CTNND2: variants seen among roughly 807,000 people sequenced by gnomAD.
The protein encoded by CTNND2 is catenin delta-2.
Under a neutral mutation model 144.4 loss-of-function variants are expected in CTNND2, and 22 were observed. The ratio of observed to expected loss-of-function variants is 0.15; its 90% confidence interval spans 0.11 to 0.22. The LOEUF (loss-of-function observed/expected upper bound fraction) is 0.22, where lower values mean the gene tolerates loss of function less well. CTNND2 is among the 10% of genes least tolerant of loss of function. CTNND2 has a pLI of 1.00. For synonymous variants in CTNND2, 751 were observed against 695.6 expected, an observed-to-expected ratio of 1.08 and a Z score of -1.25; for missense variants, 1,353 against 1,618.8, an observed-to-expected ratio of 0.84 and a Z score of 2.82.
At chr5:11,542,590 G>A (rs1774860607) in intron 3 of CTNND2, among the ~76,000 whole-genome samples, 1 of 152,130 alleles carries the variant, frequency 6.6e-6, no homozygotes, top group African/African-American at 2.4e-5. Context: ...GTGAAATGAT[G>A]TATGTATTCA....
chr5:11,670,150 G>C (rs761429437), intron 2 of CTNND2, among the ~76,000 whole-genome samples: 4 of 152,160 alleles, frequency 2.6e-5, no homozygotes, highest in Non-Finnish European at 5.9e-5. Flanking sequence ...TGCATTTGCT[G>C]AGGTGTGTTT....
At chr5:11,411,490 C>A in intron 5 of CTNND2, 46 bp downstream of exon 5, 1 of 900,936 alleles carries the variant, frequency 1.1e-6, no homozygotes, top group South Asian at 1.4e-5. Flanking sequence ...TGACATAATA[C>A]TCCTATATTT....
At chr5:11,690,616 G>A (rs1581726175) in intron 2 of CTNND2, among the ~76,000 whole-genome samples, 1 of 151,324 alleles carries the variant, frequency 6.6e-6, no homozygotes, top group Admixed American at 6.6e-5. Flanking sequence ...GGCGCCTGTA[G>A]TCCCAGCTAC....
intron 11 of CTNND2, among the ~76,000 whole-genome samples, chr5:11,193,260 T>C (rs1220872440): frequency 6.6e-6 from 1 of 152,200 alleles, no homozygotes; most frequent in Non-Finnish European, 1.5e-5. Flanking sequence ...AGGTATTGAT[T>C]CTTTGACTTT....
At chr5:11,544,889 C>T (rs998444941) in intron 3 of CTNND2, among the ~76,000 whole-genome samples, 2 of 151,354 alleles carry the variant, frequency 1.3e-5, no homozygotes, top group African/African-American at 2.4e-5. Flanking sequence ...GAGGCGGAGG[C>T]GGGCAGATCA....
At chr5:11,559,846 G>A (rs954254693) in intron 3 of CTNND2, among the ~76,000 whole-genome samples, 4 of 152,130 alleles carry the variant, frequency 2.6e-5, no homozygotes, top group African/African-American at 7.2e-5. Flanking sequence ...GCCTTCTGAC[G>A]CCCAGTGCCA....
rs547929588 is a variant in CTNND2, at chr5:11,291,894, T to C, written c.1628+54478A>G. Among the ~76,000 whole-genome samples the C allele has an allele frequency of 9.9e-5, 15 of 152,254 alleles. No homozygotes were observed. The South Asian group carries it at 3.1e-3, about 32-fold the overall frequency. On this transcript the variant is annotated intron_variant, in intron 9 of 21. Transcript: ENST00000304623. ...GCCACATTTCTCTTCAGATTTGCAT[T>C]TACCATAAATTTTTGCTTGCTATAC... is the stretch of plus-strand genomic sequence containing the variant.
rs945241515 is a variant in CTNND2, at chr5:11,184,186, G to T, written c.1975+15262C>A. 2.6e-5 allele frequency among the ~76,000 whole-genome samples: 4 copies of T among 152,238 alleles called. No individual in the cohort carries two copies. The South Asian group carries it at 8.3e-4, about 32-fold the overall frequency. On this transcript the variant is annotated intron_variant, in intron 11 of 21. Transcript: ENST00000304623. Reference sequence around the variant, plus strand: ...GAGGGGAATAATTTTTAAGAATAAAGGATGGGGGATGGTTCTTTCTAATCT... The same window carrying T: ...GAGGGGAATAATTTTTAAGAATAAATGATGGGGGATGGTTCTTTCTAATCT...
At chr5:11,217,936 G>A (rs1419783909) in intron 10 of CTNND2, among the ~76,000 whole-genome samples, 1 of 152,090 alleles carries the variant, frequency 6.6e-6, no homozygotes, top group Non-Finnish European at 1.5e-5. Flanking sequence ...ATTATCCACT[G>A]AAGACCTTGA....
At chr5:11,280,746 C>T (rs138117716) in intron 9 of CTNND2, among the ~76,000 whole-genome samples, 259 of 152,296 alleles carry the variant, frequency 1.7e-3, no homozygotes, top group African/African-American at 5.9e-3. Flanking sequence ...TTGGCAATCC[C>T]TGAGCACTTT....
At chr5:11,437,209 C>A (rs1310478477) in intron 3 of CTNND2, among the ~76,000 whole-genome samples, 1 of 152,152 alleles carries the variant, frequency 6.6e-6, no homozygotes, top group Non-Finnish European at 1.5e-5. Context: ...AGAAACCCTG[C>A]ATATTCATGA....
intron 2 of CTNND2, among the ~76,000 whole-genome samples, chr5:11,729,928 A>G (rs114370847): frequency 8.5e-5 from 13 of 152,228 alleles, no homozygotes; most frequent in African/African-American, 3.1e-4. Context: ...TATGTCCCCA[A>G]TGGGTGCATT....
At chr5:11,902,694 T>C (rs1447506138) in intron 1 of CTNND2, among the ~76,000 whole-genome samples, 1 of 152,082 alleles carries the variant, frequency 6.6e-6, no homozygotes, top group Non-Finnish European at 1.5e-5. Flanking sequence ...TAAATCAACA[T>C]ATTTGCTTGA....
intron 2 of CTNND2, among the ~76,000 whole-genome samples, chr5:11,703,371 T>G (rs547135280): frequency 6.6e-6 from 1 of 152,314 alleles, no homozygotes; most frequent in African/African-American, 2.4e-5. Context: ...AACAGTGTTC[T>G]TACAGTCAGG....
chr5:11,452,597 A>G (rs749200268), intron 3 of CTNND2, among the ~76,000 whole-genome samples: 13 of 152,226 alleles, frequency 8.5e-5, no homozygotes, highest in Non-Finnish European at 1.6e-4. Context: ...TTTTTTAAAA[A>G]TCAAAATACA....
chr5:11,100,487 T>G (rs1436301053), intron 14 of CTNND2, among the ~76,000 whole-genome samples: 1 of 152,216 alleles, frequency 6.6e-6, no homozygotes, highest in Non-Finnish European at 1.5e-5. Flanking sequence ...GTTCATTATT[T>G]GATCCTGGCT....
At chr5:11,129,726 C>A (rs1010672927) in intron 12 of CTNND2, among the ~76,000 whole-genome samples, 1 of 152,060 alleles carries the variant, frequency 6.6e-6, no homozygotes, top group African/African-American at 2.4e-5. Flanking sequence ...CATGAGTACA[C>A]TGGATTATAA....
intron 12 of CTNND2, among the ~76,000 whole-genome samples, chr5:11,145,182 G>T (rs1025904349): frequency 6.6e-6 from 1 of 151,940 alleles, no homozygotes; most frequent in African/African-American, 2.4e-5. Context: ...ATTTTTAAAC[G>T]TTCAGTAGGA....
chr5:11,443,863 T>C (rs912245984), intron 3 of CTNND2, among the ~76,000 whole-genome samples: 4 of 139,512 alleles, frequency 2.9e-5, no homozygotes, highest in East Asian at 1.9e-4. Context: ...TCAAACTTAT[T>C]GGGTGGCATA....
Sources: gnomAD v4.1 joint callset for allele counts (sites outside exome capture counted in the v4.1 genomes callset) on GRCh38, gnomAD v4.1.1 for gene constraint, MANE v1.5 for transcripts, NCBI Gene and HGNC (gene_info 2026-07-23, HGNC 2026-07-21) for gene names.